The following PTPRG variants were observed in gnomAD, a reference collection of about 807,000 sequenced individuals.
PTPRG encodes the protein receptor-type tyrosine-protein phosphatase gamma.
A neutral mutation model predicts 165.3 loss-of-function variants in PTPRG; 102 were observed. The observed-to-expected ratio is 0.62, with a 90% confidence interval of 0.53 to 0.73. PTPRG has a LOEUF of 0.73. Among genes scored for constraint, PTPRG ranks in the 30% least tolerant of loss-of-function variants. The probability of loss-of-function intolerance (pLI) is 0.00; values close to 1 mark genes in which losing one functional copy is unlikely to be tolerated. For synonymous variants in PTPRG, 675 were observed against 669.5 expected (o/e 1.01, Z -0.13); for missense variants, 1,866 against 1,861.4 (o/e 1.00, Z -0.05).
At chr3:62,206,146 A>G (rs547872169) in intron 12 of PTPRG, among the ~76,000 whole-genome samples, 55 of 152,270 alleles carry the variant, frequency 3.6e-4, no homozygotes, top group Admixed American at 1.9e-3. Flanking sequence ...TTACAGTTTG[A>G]GAGATGGGAG....
intron 2 of PTPRG, among the ~76,000 whole-genome samples, chr3:61,891,378 G>T (rs762073525): frequency 6.6e-6 from 1 of 152,162 alleles, no homozygotes; most frequent in Non-Finnish European, 1.5e-5. Context: ...TTTGATCCCA[G>T]CTGGCTTGAC....
At chr3:62,262,247 C>A (rs138358131) in intron 16 of PTPRG, 2 of 152,268 alleles carry the variant, frequency 1.3e-5, no homozygotes, top group East Asian at 1.9e-4. Context: ...ATTAGTTGGG[C>A]TGTTATTAGG....
At chr3:61,959,141 C>T (rs944238889) in intron 2 of PTPRG, among the ~76,000 whole-genome samples, 3 of 152,198 alleles carry the variant, frequency 2.0e-5, no homozygotes, top group Non-Finnish European at 4.4e-5. Flanking sequence ...TCCCTCCGGT[C>T]CCTGCAAATC....
intron 5 of PTPRG, among the ~76,000 whole-genome samples, chr3:62,082,581 A>G (rs778136060): frequency 5.3e-5 from 8 of 152,200 alleles, no homozygotes; most frequent in Non-Finnish European, 7.3e-5. Context: ...TCCCATTGCA[A>G]CAAAATCATC....
intron 2 of PTPRG, among the ~76,000 whole-genome samples, chr3:61,863,071 G>A (rs1045027432): frequency 5.3e-5 from 8 of 152,252 alleles, no homozygotes; most frequent in African/African-American, 1.9e-4. Context: ...TGATTATGCA[G>A]TGCAGTTGTC....
chr3:61,565,071 C>T (rs749474319), intron 1 of PTPRG, among the ~76,000 whole-genome samples: 3 of 152,198 alleles, frequency 2.0e-5, no homozygotes, highest in Non-Finnish European at 2.9e-5. Flanking sequence ...TGTTTCCTCT[C>T]AGAATCATAA....
At chr3:61,562,461 G>C in intron 1 of PTPRG, 89 bp downstream of exon 1, 1 of 1,284,244 alleles carries the variant, frequency 7.8e-7, no homozygotes. Context: ...TCCGGCGCCC[G>C]TCCGGGAGAC....
At chr3:61,640,512 T>C (rs1458658810) in intron 1 of PTPRG, among the ~76,000 whole-genome samples, 3 of 152,208 alleles carry the variant, frequency 2.0e-5, no homozygotes, top group Admixed American at 6.5e-5. Flanking sequence ...CCATATTTAA[T>C]CCCCGTAAGA....
intron 1 of PTPRG, among the ~76,000 whole-genome samples, chr3:61,581,437 C>T (rs936705034): frequency 2.0e-5 from 3 of 152,094 alleles, no homozygotes; most frequent in Non-Finnish European, 4.4e-5. Flanking sequence ...ACCTTAGTTC[C>T]CTGACTCTGC....
At chr3:62,211,174 C>T (rs1371443905) in intron 12 of PTPRG, among the ~76,000 whole-genome samples, 1 of 152,178 alleles carries the variant, frequency 6.6e-6, no homozygotes, top group Admixed American at 6.5e-5. Context: ...ACTGTTTAGC[C>T]TGTAAAAGGA....
chr3:62,259,954 G>C (rs1211464446), intron 16 of PTPRG, among the ~76,000 whole-genome samples: 1 of 152,204 alleles, frequency 6.6e-6, no homozygotes, highest in East Asian at 1.9e-4. Context: ...CTAAGGGAAT[G>C]TGGAATCTCT....
chr3:61,860,822 T>A (rs1179797655), intron 2 of PTPRG, among the ~76,000 whole-genome samples: 1 of 152,168 alleles, frequency 6.6e-6, no homozygotes, highest in East Asian at 1.9e-4. Flanking sequence ...AGGTCCCTTT[T>A]ATACTTTTCC....
rs188991589 is a variant in PTPRG, at chr3:62,132,645, G to C, written c.659G>C (p.Gly220Ala). ...TCTGCACTGGATCCTATTATCCACGGGTTGAAGGGTGTCGTACATCATGGT... is the reference window on the plus strand; with the variant it reads ...TCTGCACTGGATCCTATTATCCACGCGTTGAAGGGTGTCGTACATCATGGT... ...DNSALDPIIH[G>A]LKGVVHHEKE... The change falls in exon 6 of 30, where the codon GGG becomes GCG. Residue 220 changes from glycine to alanine, a missense_variant. Transcript: ENST00000474889. 31 of 1,612,146 alleles carry C rather than the reference G, an allele frequency of 1.9e-5. No homozygotes were observed. The Admixed American group carries it at 5.2e-4, about 27-fold the overall frequency.
At chr3:61,875,707 C>T (rs1036989870) in intron 2 of PTPRG, among the ~76,000 whole-genome samples, 2 of 152,090 alleles carry the variant, frequency 1.3e-5, no homozygotes, top group Non-Finnish European at 1.5e-5. Flanking sequence ...ATGCCTTTGC[C>T]GAGGTCTTTC....
At chr3:62,039,280 T>A (rs63021262) in intron 4 of PTPRG, among the ~76,000 whole-genome samples, 4 of 146,136 alleles carry the variant, frequency 2.7e-5, no homozygotes, top group Non-Finnish European at 3.0e-5. Flanking sequence ...TTTTTTTTTT[T>A]AAAGAGAAGT....
chr3:62,091,458 G>A, intron 5 of PTPRG, among the ~76,000 whole-genome samples: 1 of 152,214 alleles, frequency 6.6e-6, no homozygotes, highest in East Asian at 1.9e-4. Context: ...AGAGAGACAA[G>A]TAACACATTG....
chr3:61,652,512 G>A lies in PTPRG; in HGVS notation c.85+90140G>A, dbSNP rs553878756. 2.7e-5 allele frequency among the ~76,000 whole-genome samples: 4 copies of A among 150,206 alleles called. No individual in the cohort carries two copies. In the South Asian group the frequency reaches 8.3e-4, roughly 31 times the overall value. On this transcript the variant is annotated intron_variant, in intron 1 of 29. Coordinates refer to ENST00000474889, the MANE Select transcript of PTPRG (RefSeq NM_002841.4). ...GAGCTCTTTCTTTGGGTCATGGACT[G>A]GGCTAGGGTTAAGGGATATTCAGTG...
chr3:62,027,965 G>A (rs1164429217), intron 4 of PTPRG, among the ~76,000 whole-genome samples: 2 of 152,176 alleles, frequency 1.3e-5, no homozygotes, highest in South Asian at 4.1e-4. Context: ...TTTGCAACTC[G>A]TGATTATTTA....
At position 62,139,363 on chromosome 3, in the gene PTPRG, G is replaced by A. The variant is rs188623618; in HGVS notation, c.682+6695G>A. Among the ~76,000 whole-genome samples the A allele has an allele frequency of 4.1e-3, 624 of 152,198 alleles. 8 individuals are homozygous for A. Among genetic ancestry groups the A allele is most frequent in the Admixed American group, 0.019 (290 of 15,286 alleles). ...AATCTTAGCTACTCGGGAGGCTGAG[G>A]CAGGAGAATCGCTTGAACCTGAGAG... On this transcript the variant is annotated intron_variant, in intron 6 of 29. Coordinates refer to ENST00000474889, the MANE Select transcript of PTPRG (RefSeq NM_002841.4).
Sources: allele counts gnomAD v4.1 joint callset (sites outside exome capture counted in the v4.1 genomes callset), GRCh38; gene constraint gnomAD v4.1.1; transcripts MANE v1.5; gene names NCBI Gene and HGNC (gene_info 2026-07-23, HGNC 2026-07-21).